Variants in PRRG1 observed in about 807,000 individuals in gnomAD.
PRRG1 encodes transmembrane gamma-carboxyglutamic acid protein 1.
A neutral mutation model predicts 11.8 loss-of-function variants in PRRG1; 5 were observed. The ratio of observed to expected loss-of-function variants is 0.42; its 90% CI spans 0.22 to 0.89. The LOEUF (loss-of-function observed/expected upper bound fraction) is 0.89. Ranked by LOEUF, PRRG1 falls within the 40% of genes least tolerant of loss-of-function variation. The pLI is 0.28. For missense variants in PRRG1, 155 were observed against 166.1 expected, an observed-to-expected ratio of 0.93 and a Z score of 0.37; for synonymous variants, 66 against 60.4, an observed-to-expected ratio of 1.09 and a Z score of -0.43.
intron 1 of PRRG1, among the ~76,000 whole-genome samples, chrX:37,403,071 G>A (rs1300612641): frequency 9.1e-6 from 1 of 109,465 alleles, no homozygotes; most frequent in Admixed American, 9.7e-5. Context: ...AGTCAGTGTG[G>A]CGATTCCTCA....
At chrX:37,388,034 A>G (rs1422084934) in intron 1 of PRRG1, among the ~76,000 whole-genome samples, 7 of 112,080 alleles carry the variant, frequency 6.2e-5, no homozygotes, top group African/African-American at 2.3e-4. Flanking sequence ...CCAGGAAGGT[A>G]GTCATTAAGT....
chrX:37,435,907 A>G (rs191300002), intron 3 of PRRG1, among the ~76,000 whole-genome samples: 1 of 112,234 alleles, frequency 8.9e-6, no homozygotes, highest in East Asian at 2.8e-4. Context: ...ATTAATTATA[A>G]CAAATTTACC....
intron 1 of PRRG1, among the ~76,000 whole-genome samples, chrX:37,373,996 T>TTG (rs1930852824): frequency 8.9e-6 from 1 of 112,049 alleles, no homozygotes; most frequent in Non-Finnish European, 1.9e-5. Context: ...TGTTGAATTT[T>TTG]ATCAAATGCT....
chrX:37,399,896 T>G (rs1931896467), intron 1 of PRRG1, among the ~76,000 whole-genome samples: 1 of 110,264 alleles, frequency 9.1e-6, no homozygotes, highest in South Asian at 4.0e-4. Context: ...GGCCATTACA[T>G]AATGGTAAAA....
intron 1 of PRRG1, among the ~76,000 whole-genome samples, chrX:37,372,642 T>G (rs1413645020): frequency 8.9e-6 from 1 of 112,515 alleles, no homozygotes; most frequent in Non-Finnish European, 1.9e-5. Flanking sequence ...ATTGGACTAT[T>G]TGTTTTCTTG....
At chrX:37,391,985 GT>G (rs782051921) in intron 1 of PRRG1, among the ~76,000 whole-genome samples, 27 of 102,588 alleles carry the variant, frequency 2.6e-4, no homozygotes, top group South Asian at 4.3e-4. Context: ...GGGCTTCCTT[GT>G]TTTTTTTTTT....
At chrX:37,370,464 G>T (rs782284887) in intron 1 of PRRG1, among the ~76,000 whole-genome samples, 15 of 111,893 alleles carry the variant, frequency 1.3e-4, no homozygotes, top group African/African-American at 4.2e-4. Flanking sequence ...GCCAGCAGGG[G>T]CTGGGACTAG....
intron 2 of PRRG1, among the ~76,000 whole-genome samples, chrX:37,422,258 GA>G (rs1328052203): frequency 1.8e-5 from 2 of 111,740 alleles, no homozygotes; most frequent in African/African-American, 6.5e-5. Flanking sequence ...TTTATCTTCA[GA>G]AAAACTGATT....
chrX:37,426,973 C>T (rs1556388609), intron 3 of PRRG1, among the ~76,000 whole-genome samples: 1 of 111,324 alleles, frequency 9.0e-6, no homozygotes, highest in African/African-American at 3.3e-5. Flanking sequence ...CTCATTCTGG[C>T]CTATTTTTAC....
intron 1 of PRRG1, among the ~76,000 whole-genome samples, chrX:37,356,555 C>T (rs1556366252): frequency 9.1e-6 from 1 of 109,910 alleles, no homozygotes; most frequent in African/African-American, 3.3e-5. Flanking sequence ...GGGAAGATTG[C>T]AAGAGGAGAA....
intron 1 of PRRG1, among the ~76,000 whole-genome samples, chrX:37,360,103 G>T (rs1160654538): frequency 9.0e-6 from 1 of 111,290 alleles, no homozygotes; most frequent in Non-Finnish European, 1.9e-5. Flanking sequence ...CCAGCCTTTG[G>T]TTTCATTTAT....
At chrX:37,349,851 T>C (rs1601962520) in intron 1 of PRRG1, among the ~76,000 whole-genome samples, 1 of 110,878 alleles carries the variant, frequency 9.0e-6, no homozygotes, top group African/African-American at 3.3e-5. Flanking sequence ...CGGTGGGCTG[T>C]CGGCCCGGGC....
At chrX:37,447,919 C>G (rs1195516927) in intron 3 of PRRG1, among the ~76,000 whole-genome samples, 2 of 112,146 alleles carry the variant, frequency 1.8e-5, no homozygotes, top group African/African-American at 6.5e-5. Flanking sequence ...TATCCTGCAG[C>G]TTACGTTTCT....
chrX:37,420,435 A>G (rs1556386596), intron 2 of PRRG1, among the ~76,000 whole-genome samples: 5 of 111,161 alleles, frequency 4.5e-5, no homozygotes, highest in Non-Finnish European at 7.5e-5. Flanking sequence ...ATTGAAGAAG[A>G]GCTATGGAAT....
chrX:37,380,871 C>T (rs1931131219), intron 1 of PRRG1, among the ~76,000 whole-genome samples: 2 of 111,391 alleles, frequency 1.8e-5, no homozygotes, highest in South Asian at 7.6e-4. Flanking sequence ...ATCCTATTTT[C>T]TTTTGGCTGA....
intron 1 of PRRG1, among the ~76,000 whole-genome samples, chrX:37,366,407 A>G (rs557934478): frequency 6.2e-5 from 7 of 112,183 alleles, no homozygotes; most frequent in African/African-American, 2.3e-4. Context: ...TAGTTTAGAG[A>G]TGGCTCTTCA....
rs1556398037 is a variant in PRRG1, at chrX:37,455,287, A to G, written c.*1666A>G. 17 of 112,283 alleles carry G rather than the reference A, an allele frequency of 1.5e-4. No homozygotes were observed. 9.3% of individuals were successfully genotyped at this position (112,283 alleles called of 1,213,427 possible). ...AACATCATTTGTCCTGCACTTCTCT[A>G]AGGGCTTTACAAGGATCAAATAAGA... On this transcript the variant is annotated 3_prime_UTR_variant, in exon 4 of 4. Coordinates refer to ENST00000378628, the MANE Select transcript of PRRG1 (RefSeq NM_001142395.2).
chrX:37,404,452 A>G (rs1250780186), intron 1 of PRRG1, among the ~76,000 whole-genome samples: 1 of 111,947 alleles, frequency 8.9e-6, no homozygotes, highest in Non-Finnish European at 1.9e-5. Context: ...TAAAATTGAG[A>G]TGACACTTGG....
At chrX:37,406,520 T>G (rs1394134254) in intron 2 of PRRG1, among the ~76,000 whole-genome samples, 2 of 109,493 alleles carry the variant, frequency 1.8e-5, no homozygotes, top group African/African-American at 3.3e-5. Context: ...ATATATAGTA[T>G]ATACTATTTT....
Sources: allele counts gnomAD v4.1 joint callset (sites outside exome capture counted in the v4.1 genomes callset), GRCh38; gene constraint gnomAD v4.1.1; transcripts MANE v1.5; gene names NCBI Gene and HGNC (gene_info 2026-07-23, HGNC 2026-07-21).